ANKAR: variants seen among roughly 807,000 people sequenced by gnomAD.
The protein encoded by ANKAR is ankyrin and armadillo repeat containing, also known as ankyrin and armadillo repeat-containing protein.
In ANKAR, 136 loss-of-function variants were observed where a neutral mutation model predicts 146.2. That is an observed-to-expected ratio of 0.93 (90% CI 0.81 to 1.07). ANKAR has a LOEUF of 1.07. Among genes scored for constraint, ANKAR ranks in the 50% least tolerant of loss-of-function variants. The pLI, the probability that ANKAR is intolerant of heterozygous loss-of-function variation, is 0.00. For missense variants in ANKAR, 1,567 were observed against 1,679.9 expected, an observed-to-expected ratio of 0.93 and a Z score of 1.18; for synonymous variants, 500 against 575.8, an observed-to-expected ratio of 0.87 and a Z score of 1.88.
At chr2:189,708,379 G>C (rs2039248665) in intron 9 of ANKAR, among the ~76,000 whole-genome samples, 1 of 152,162 alleles carries the variant, frequency 6.6e-6, no homozygotes. Flanking sequence ...CTTTATTATA[G>C]ATATGTATGT....
intron 12 of ANKAR, 106 bp downstream of exon 12, chr2:189,720,893 GAATAGAT>G: frequency 7.7e-6 from 7 of 913,574 alleles, no homozygotes; most frequent in Non-Finnish European, 1.1e-5. Flanking sequence ...ATCTGTGTTT[GAATAGAT>G]CTAAACGTGT....
intron 18 of ANKAR, among the ~76,000 whole-genome samples, chr2:189,757,487 T>C (rs1390004134): frequency 6.6e-6 from 1 of 152,240 alleles, no homozygotes; most frequent in Non-Finnish European, 1.5e-5. Context: ...GCCCTTGCTA[T>C]TCAAGAAGAA....
rs760517686 is a variant in ANKAR at position 189,746,580 on chromosome 2, C to T, written c.4258C>T (p.Leu1420Phe). ...ACCAAGAATAGTGTGTTTGAACCAA[C>T]TTGGGAAACATGTCCAGAAAGCCAA... is the stretch of plus-strand genomic sequence containing the variant. ...SRPRIVCLNQ[L>F]GKHVQKANPE... The change falls in exon 23 of 23, where the codon CTT (leucine) becomes TTT (phenylalanine). Residue 1420 changes from leucine to phenylalanine, a missense_variant. Transcript: ENST00000684021. 2.5e-6 allele frequency: 4 copies of T among 1,612,660 alleles called. No homozygotes were observed. The highest frequency in any genetic ancestry group is 2.2e-5 in the East Asian group (1 of 44,816).
chr2:189,733,046 A>G, intron 16 of ANKAR, 61 bp from the exon 17 acceptor site: 1 of 1,503,762 alleles, frequency 6.6e-7, no homozygotes, highest in Non-Finnish European at 9.0e-7. Context: ...TGCCTGCACA[A>G]TGAAATGTGT....
At chr2:189,730,296 A>G (rs1309913415) in intron 15 of ANKAR, among the ~76,000 whole-genome samples, 199 bp from the exon 16 acceptor site, 1 of 152,192 alleles carries the variant, frequency 6.6e-6, no homozygotes, top group Non-Finnish European at 1.5e-5. Context: ...ATTCTAATAA[A>G]GTCTCCATGT....
chr2:189,755,105 C>CATCT (rs2045906129), intron 18 of ANKAR: 5 of 1,507,668 alleles, frequency 3.3e-6, no homozygotes, highest in East Asian at 2.3e-5. Flanking sequence ...GGTGGTAGCA[C>CATCT]ATCTATTGCT....
At chr2:189,728,232 T>C (rs2042072547) in intron 13 of ANKAR, 35 bp from the exon 14 acceptor site, 2 of 1,557,254 alleles carry the variant, frequency 1.3e-6, no homozygotes, top group African/African-American at 1.4e-5. Flanking sequence ...GTTCAATAAA[T>C]GTTCACTGAA....
intron 6 of ANKAR, 121 bp downstream of exon 6, chr2:189,695,282 A>G (rs2037036678): frequency 1.2e-6 from 1 of 839,860 alleles, no homozygotes; most frequent in Non-Finnish European, 1.7e-6. Context: ...CATGAAATAA[A>G]ATGCCACATT....
downstream of ANKAR, among the ~76,000 whole-genome samples, chr2:189,749,960 A>G (rs934223281): frequency 5.3e-5 from 8 of 151,970 alleles, no homozygotes; most frequent in Non-Finnish European, 4.4e-5. Context: ...CATCTCTACT[A>G]AAAAAACAAA....
intron 17 of ANKAR, among the ~76,000 whole-genome samples, chr2:189,736,466 A>G (rs1018662573): frequency 5.3e-5 from 6 of 112,844 alleles, no homozygotes; most frequent in Admixed American, 4.6e-4. Flanking sequence ...GACTGTACCT[A>G]ATACCTTTCT....
intron 10 of ANKAR, among the ~76,000 whole-genome samples, chr2:189,713,117 T>C (rs944745442): frequency 3.3e-5 from 5 of 152,168 alleles, no homozygotes; most frequent in African/African-American, 1.2e-4. Context: ...TATGGGACTA[T>C]ATGAAAAGAC....
At chr2:189,746,797 T>A, downstream of ANKAR, 2 of 733,382 alleles carry the variant, frequency 2.7e-6, no homozygotes, top group Non-Finnish European at 4.0e-6. Flanking sequence ...TAGTGTCAGG[T>A]CAGAGTTATG....
chr2:189,700,654 G>C (rs1484435284), intron 7 of ANKAR, among the ~76,000 whole-genome samples: 1 of 151,844 alleles, frequency 6.6e-6, no homozygotes, highest in Non-Finnish European at 1.5e-5. Context: ...TTTCTATTTT[G>C]TACCCATTAA....
intron 22 of ANKAR, among the ~76,000 whole-genome samples, chr2:189,745,027 C>CTACTACTACTACTAA (rs376824673): frequency 6.9e-5 from 9 of 131,112 alleles, no homozygotes; most frequent in Middle Eastern, 3.8e-3. Flanking sequence ...ACTACTACTA[C>CTACTACTACTACTAA]TAATAATACA....
At chr2:189,734,248 CTTTG>C (rs2042644790) in intron 17 of ANKAR, among the ~76,000 whole-genome samples, 1 of 152,178 alleles carries the variant, frequency 6.6e-6, no homozygotes, top group Non-Finnish European at 1.5e-5. Flanking sequence ...AGGTGAGACA[CTTTG>C]AGATTATGCA....
chr2:189,678,101 G>A (rs149206570), intron 2 of ANKAR, among the ~76,000 whole-genome samples: 17 of 152,144 alleles, frequency 1.1e-4, no homozygotes, highest in Non-Finnish European at 2.2e-4. Flanking sequence ...ATGCCGACAT[G>A]TATTATTTTT....
At chr2:189,716,921 C>T in intron 10 of ANKAR, among the ~76,000 whole-genome samples, 1 of 152,042 alleles carries the variant, frequency 6.6e-6, no homozygotes, top group Non-Finnish European at 1.5e-5. Context: ...CTTCCTTATA[C>T]CTTATATAAA....
At chr2:189,759,287 C>A (rs368419127) in intron 18 of ANKAR, among the ~76,000 whole-genome samples, 1 of 151,094 alleles carries the variant, frequency 6.6e-6, no homozygotes, top group Admixed American at 6.6e-5. Flanking sequence ...CTCACTCTGT[C>A]GCCCGGGCTG....
intron 2 of ANKAR, among the ~76,000 whole-genome samples, chr2:189,682,873 GAATACA>G (rs1257928870): frequency 6.6e-6 from 1 of 152,156 alleles, no homozygotes; most frequent in African/African-American, 2.4e-5. Context: ...GAGTCATATA[GAATACA>G]CTGCAGAATT....
Sources: allele counts gnomAD v4.1 joint callset (sites outside exome capture counted in the v4.1 genomes callset), GRCh38; gene constraint gnomAD v4.1.1; transcripts MANE v1.5; gene names NCBI Gene and HGNC (gene_info 2026-07-23, HGNC 2026-07-21).